SLC9A9: variants seen among roughly 807,000 people sequenced by gnomAD.
SLC9A9 encodes solute carrier family 9 member A9.
In SLC9A9, 62 loss-of-function variants were observed where a neutral mutation model predicts 77.8. The ratio of observed to expected loss-of-function variants is 0.80; its 90% CI spans 0.65 to 0.98. The LOEUF (loss-of-function observed/expected upper bound fraction) is 0.98, where lower values mean the gene tolerates loss of function less well. Ranked by LOEUF, SLC9A9 falls within the 50% of genes least tolerant of loss-of-function variation. SLC9A9 has a pLI of 0.00. For missense variants in SLC9A9, 775 were observed against 774.9 expected (o/e 1.00, Z 0.00); for synonymous variants, 320 against 283.5 (o/e 1.13, Z -1.29).
chr3:143,838,929 T>C (rs2009639494), intron 1 of SLC9A9, among the ~76,000 whole-genome samples: 1 of 152,258 alleles, frequency 6.6e-6, no homozygotes, highest in South Asian at 2.1e-4. Context: ...ATTTGATATT[T>C]ATCCCTTCCC....
chr3:143,283,837 G>T (rs2108409386), intron 14 of SLC9A9, among the ~76,000 whole-genome samples: 1 of 152,220 alleles, frequency 6.6e-6, no homozygotes, highest in East Asian at 1.9e-4. Flanking sequence ...CTTGTAAACT[G>T]GCATGGCTGA....
chr3:143,484,478 C>T (rs1040688174), intron 11 of SLC9A9, among the ~76,000 whole-genome samples: 5 of 152,208 alleles, frequency 3.3e-5, no homozygotes, highest in South Asian at 4.1e-4. Flanking sequence ...GGAGCATTCT[C>T]TTTTGAAGAG....
intron 11 of SLC9A9, among the ~76,000 whole-genome samples, chr3:143,478,680 G>A (rs914721241): frequency 6.6e-6 from 1 of 152,210 alleles, no homozygotes; most frequent in Non-Finnish European, 1.5e-5. Flanking sequence ...ATTTATTTGA[G>A]TCAATCTTAT....
At chr3:143,486,697 TG>T (rs2035657624) in intron 11 of SLC9A9, among the ~76,000 whole-genome samples, 1 of 152,014 alleles carries the variant, frequency 6.6e-6, no homozygotes, top group Non-Finnish European at 1.5e-5. Flanking sequence ...CATGTTAAGC[TG>T]GGGTAAATTT....
At chr3:143,290,123 C>T (rs1938497458) in intron 14 of SLC9A9, among the ~76,000 whole-genome samples, 1 of 152,090 alleles carries the variant, frequency 6.6e-6, no homozygotes, top group Non-Finnish European at 1.5e-5. Flanking sequence ...ACAGCCTGCA[C>T]CCAATATAAC....
At chr3:143,834,867 T>G (rs906413167) in intron 1 of SLC9A9, among the ~76,000 whole-genome samples, 4 of 152,086 alleles carry the variant, frequency 2.6e-5, no homozygotes, top group Non-Finnish European at 5.9e-5. Flanking sequence ...AAAATGTACC[T>G]CTCAGATAGA....
rs187906266 is a variant in SLC9A9 at position 143,521,543 on chromosome 3, A to T, written c.1090-26095T>A. On this transcript the variant is annotated intron_variant, in intron 9 of 15. Transcript: ENST00000316549. ...ATTTTGTTTACTATTGATATATTTG[A>T]ATTTATTTCTACCACATGCTTTCAA... Among the ~76,000 whole-genome samples the T allele has an allele frequency of 1.5e-3, 232 of 152,098 alleles. 3 individuals are homozygous for T. Among genetic ancestry groups the T allele is most frequent in the African/African-American group, 5.3e-3 (222 of 41,524 alleles).
intron 11 of SLC9A9, among the ~76,000 whole-genome samples, chr3:143,476,432 G>A (rs1247182026): frequency 6.6e-6 from 1 of 152,198 alleles, no homozygotes; most frequent in Non-Finnish European, 1.5e-5. Context: ...TAGAAGCCCT[G>A]GGTAGCCAGA....
intron 1 of SLC9A9, among the ~76,000 whole-genome samples, chr3:143,840,438 CA>C (rs2009678885): frequency 6.6e-6 from 1 of 152,190 alleles, no homozygotes; most frequent in South Asian, 2.1e-4. Context: ...TATAAATTCA[CA>C]GTCCCTTCTC....
intron 14 of SLC9A9, among the ~76,000 whole-genome samples, chr3:143,335,733 T>C (rs2031902802): frequency 6.6e-6 from 1 of 152,192 alleles, no homozygotes; most frequent in South Asian, 2.1e-4. Context: ...TTTGGACCTT[T>C]ATCTTATGCC....
At chr3:143,450,507 T>A (rs962959997) in intron 12 of SLC9A9, among the ~76,000 whole-genome samples, 2 of 152,040 alleles carry the variant, frequency 1.3e-5, no homozygotes, top group Non-Finnish European at 2.9e-5. Context: ...AGGTGAATTT[T>A]ATTTTTTAAA....
chr3:143,610,853 G>A (rs142389120), intron 6 of SLC9A9, among the ~76,000 whole-genome samples: 2 of 152,140 alleles, frequency 1.3e-5, no homozygotes, highest in African/African-American at 2.4e-5. Context: ...CTACAGTGAG[G>A]CTCACCAGTT....
At chr3:143,670,960 G>C (rs180867588) in intron 5 of SLC9A9, among the ~76,000 whole-genome samples, 2 of 152,254 alleles carry the variant, frequency 1.3e-5, no homozygotes, top group Admixed American at 1.3e-4. Context: ...GCACATCACT[G>C]TTCTATTTTG....
rs535826446 is a variant in SLC9A9, at chr3:143,747,803, C to T, written c.533+47198G>A. Among the ~76,000 whole-genome samples the T allele has an allele frequency of 2.0e-5, 3 of 152,342 alleles. No homozygotes were observed. In the South Asian group the frequency reaches 6.2e-4, roughly 32 times the overall value. On this transcript the variant is annotated intron_variant, in intron 4 of 15. Transcript: ENST00000316549. ...ATATTTCGATTGTTTTAAACTTCCA[C>T]ATTTGTAGTAATTTGTTACAGCAGC... is the stretch of plus-strand genomic sequence containing the variant.
chr3:143,697,181 T>C (rs1004486565), intron 4 of SLC9A9, among the ~76,000 whole-genome samples: 7 of 151,726 alleles, frequency 4.6e-5, no homozygotes, highest in African/African-American at 1.7e-4. Context: ...TATAAAGTGA[T>C]ATATAAAATA....
intron 12 of SLC9A9, among the ~76,000 whole-genome samples, chr3:143,444,813 AG>A (rs2034812785): frequency 6.6e-6 from 1 of 152,204 alleles, no homozygotes; most frequent in African/African-American, 2.4e-5. Context: ...TAAATGGGAA[AG>A]AAAGGTTTCA....
chr3:143,510,445 T>C (rs912551321), intron 9 of SLC9A9, among the ~76,000 whole-genome samples: 1 of 152,212 alleles, frequency 6.6e-6, no homozygotes, highest in East Asian at 1.9e-4. Context: ...AGAATGATTC[T>C]TTGCTTTAGA....
chr3:143,287,020 A>G (rs527989302), intron 14 of SLC9A9, among the ~76,000 whole-genome samples: 51 of 152,188 alleles, frequency 3.4e-4, no homozygotes, highest in Admixed American at 7.2e-4. Flanking sequence ...CACTGTCCCT[A>G]CGTACCTTTT....
chr3:143,545,763 A>T (rs1002468553), intron 9 of SLC9A9, among the ~76,000 whole-genome samples: 1 of 152,128 alleles, frequency 6.6e-6, no homozygotes, highest in Non-Finnish European at 1.5e-5. Flanking sequence ...TTGGTTTTTG[A>T]TTGCCTCATC....
Sources: allele counts gnomAD v4.1 joint callset (sites outside exome capture counted in the v4.1 genomes callset), GRCh38; gene constraint gnomAD v4.1.1; transcripts MANE v1.5; gene names NCBI Gene and HGNC (gene_info 2026-07-23, HGNC 2026-07-21).